The following FYCO1 variants were observed in gnomAD, a reference collection of about 807,000 sequenced individuals.
The protein encoded by FYCO1 is FYVE and coiled-coil domain-containing protein 1.
In FYCO1, 122 loss-of-function variants were observed where a neutral mutation model predicts 165.1. The observed-to-expected ratio is 0.74, with a 90% CI of 0.64 to 0.86. The LOEUF (loss-of-function observed/expected upper bound fraction) is 0.86. Among genes scored for constraint, FYCO1 ranks in the 40% least tolerant of loss-of-function variants. The probability of loss-of-function intolerance (pLI) is 0.00; values close to 1 mark genes in which losing one functional copy is unlikely to be tolerated. For synonymous variants in FYCO1, 648 were observed against 742.5 expected (o/e 0.87, Z 2.07); for missense variants, 1,702 against 1,810.3 (o/e 0.94, Z 1.09).
intron 7 of FYCO1, among the ~76,000 whole-genome samples, 164 bp from the exon 8 acceptor site, chr3:45,968,867 C>T (rs1365222070): frequency 6.6e-6 from 1 of 152,244 alleles, no homozygotes; most frequent in Non-Finnish European, 1.5e-5. Context: ...TTGCTCAAAG[C>T]ATCTGCCACA....
intron 14 of FYCO1, among the ~76,000 whole-genome samples, chr3:45,950,784 A>G (rs1704964191): frequency 6.6e-6 from 1 of 152,214 alleles, no homozygotes; most frequent in Non-Finnish European, 1.5e-5. Context: ...TGTTGGCTCC[A>G]AGAAGGTTTC....
intron 7 of FYCO1, among the ~76,000 whole-genome samples, chr3:45,969,185 T>C (rs1706281338): frequency 6.6e-6 from 1 of 152,266 alleles, no homozygotes; most frequent in Non-Finnish European, 1.5e-5. Context: ...ACAGCTGTGA[T>C]AAATTCACAT....
Position 45,967,088 on chromosome 3 carries a change from G to T in FYCO1, c.2246C>A (p.Ala749Glu). 6.2e-7 allele frequency: 1 copy of T among 1,613,980 alleles called. No homozygotes were observed. Residue 749 changes from alanine (A) to glutamate (E), a missense_variant, in exon 8 of 18, where the codon GCA (alanine) becomes GAA (glutamate). Coordinates refer to ENST00000296137, the MANE Select transcript of FYCO1 (RefSeq NM_024513.4). ...QQTQLIEVLT[A>E]EKGQQGVGPP... is the part of the protein sequence containing the mutation. ...GCCAACTCCCTGTTGGCCTTTCTCTGCTGTGAGGACCTCAATCAGCTGGGT... is the reference window on the plus strand; with the variant it reads ...GCCAACTCCCTGTTGGCCTTTCTCTTCTGTGAGGACCTCAATCAGCTGGGT...
intron 14 of FYCO1, chr3:45,945,007 G>C (rs1361420102): frequency 6.6e-6 from 1 of 152,120 alleles, no homozygotes; most frequent in Non-Finnish European, 1.5e-5. Flanking sequence ...CAATTGTGAC[G>C]TAAGGGCAAG....
intron 5 of FYCO1, 94 bp from the exon 6 acceptor site, chr3:45,973,325 T>C (rs1706550717): frequency 2.4e-6 from 3 of 1,256,832 alleles, no homozygotes; most frequent in Non-Finnish European, 3.5e-6. Flanking sequence ...GAATTCCAAC[T>C]CAGGTTACTA....
At chr3:45,946,797 C>A in intron 14 of FYCO1, 1 of 1,613,654 alleles carries the variant, frequency 6.2e-7, no homozygotes, top group East Asian at 2.2e-5. Context: ...CAAGAGCCTA[C>A]TGGGCATCTA....
chr3:45,966,686 C>G lies in FYCO1; in HGVS notation c.2648G>C (p.Ser883Thr). 1 of 1,613,934 alleles carries G rather than the reference C, an allele frequency of 6.2e-7. No homozygotes were observed. The highest frequency in any genetic ancestry group is 1.1e-5 in the South Asian group (1 of 91,076). ...GTGCTCCAGCTGTGCTTCCTCGGAG[C>G]TGCATTTGGCCTGGGACAGCTCCTC... ...LQEELSQAKC[S>T]SEEAQLEHAE... Residue 883 changes from serine (S) to threonine (T), a missense_variant, in exon 8 of 18, where the codon AGC (serine) becomes ACC (threonine). Ser to Thr is a moderately conservative substitution (Grantham distance 58). Coordinates refer to ENST00000296137, the MANE Select transcript of FYCO1 (RefSeq NM_024513.4).
chr3:45,924,991 G>A (rs533358451), intron 16 of FYCO1, among the ~76,000 whole-genome samples: 3 of 150,818 alleles, frequency 2.0e-5, no homozygotes, highest in South Asian at 2.1e-4. Context: ...GTGCAGTGTC[G>A]TGATCTTGGC....
Position 45,967,280 on chromosome 3 carries a change from C to T in FYCO1, c.2054G>A (p.Arg685Lys). 6.2e-7 allele frequency: 1 copy of T among 1,613,986 alleles called. No homozygotes were observed. Among genetic ancestry groups the T allele is most frequent in the East Asian group, 2.2e-5 (1 of 44,876 alleles). Reference protein sequence around the residue: ...DQMEASLLAVRKAKEAMKAQM... With the variant: ...DQMEASLLAVKKAKEAMKAQM... Reference sequence around the variant, plus strand: ...GGCTTTCATGGCCTCCTTGGCCTTCCTTACAGCCAGCAAGCTCGCCTCCAT... The same window carrying T: ...GGCTTTCATGGCCTCCTTGGCCTTCTTTACAGCCAGCAAGCTCGCCTCCAT... The change falls in exon 8 of 18, where the codon AGG becomes AAG. Residue 685 changes from arginine to lysine, a missense_variant. Transcript: ENST00000296137.
At chr3:45,952,568 G>A (rs1186275808) in intron 14 of FYCO1, among the ~76,000 whole-genome samples, 12 of 152,174 alleles carry the variant, frequency 7.9e-5, no homozygotes, top group African/African-American at 7.2e-5. Flanking sequence ...TCCCAGATCC[G>A]CCTTGGTGGC....
intron 14 of FYCO1, among the ~76,000 whole-genome samples, chr3:45,951,519 C>T (rs964211375): frequency 2.6e-5 from 4 of 152,210 alleles, no homozygotes; most frequent in African/African-American, 9.7e-5. Flanking sequence ...GAGGGAGCCA[C>T]AGCCCAGTGC....
At chr3:45,940,777 C>T (rs909434393) in intron 14 of FYCO1, among the ~76,000 whole-genome samples, 14 of 152,172 alleles carry the variant, frequency 9.2e-5, no homozygotes, top group Middle Eastern at 3.2e-3. Flanking sequence ...CCTACTTCTG[C>T]CCCTCGGCCA....
intron 1 of FYCO1, among the ~76,000 whole-genome samples, chr3:45,995,421 G>A (rs1037716596): frequency 1.4e-4 from 22 of 152,358 alleles, no homozygotes; most frequent in African/African-American, 5.3e-4. Flanking sequence ...CGCATGGTGG[G>A]CTCCTTTCCT....
chr3:45,948,537 A>T (rs1315493980), intron 14 of FYCO1, among the ~76,000 whole-genome samples: 1 of 152,210 alleles, frequency 6.6e-6, no homozygotes, highest in African/African-American at 2.4e-5. Flanking sequence ...CTCCTGTCCA[A>T]AGTGTGGGGC....
intron 14 of FYCO1, among the ~76,000 whole-genome samples, chr3:45,950,211 T>C (rs1704919854): frequency 6.6e-6 from 1 of 152,088 alleles, no homozygotes; most frequent in Non-Finnish European, 1.5e-5. Context: ...GTGTGGGCTC[T>C]GCTTGAGTCC....
At chr3:45,942,048 T>G (rs1286651595) in intron 14 of FYCO1, among the ~76,000 whole-genome samples, 3 of 152,234 alleles carry the variant, frequency 2.0e-5, no homozygotes, top group African/African-American at 4.8e-5. Context: ...TCATGGTTCA[T>G]GCCCATAAGG....
chr3:45,974,100 T>C (rs1706594978), intron 5 of FYCO1, among the ~76,000 whole-genome samples: 1 of 151,788 alleles, frequency 6.6e-6, no homozygotes. Context: ...AAAAGATGCC[T>C]GGGCATAGTG....
Position 45,958,614 on chromosome 3 carries a change from C to T in FYCO1, c.3593G>A (p.Cys1198Tyr), listed in dbSNP as rs1433027946. The T allele has an allele frequency of 6.2e-7, 1 of 1,614,072 alleles. No individual in the cohort carries two copies. The highest frequency in any genetic ancestry group is 1.3e-5 in the African/African-American group (1 of 74,938). Residue 1198 changes from cysteine to tyrosine, a missense_variant, in exon 13 of 18, where the codon TGT (cysteine) becomes TAT (tyrosine). Physicochemically the swap from Cys to Tyr is radical, Grantham distance 194. Coordinates refer to ENST00000296137, the MANE Select transcript of FYCO1 (RefSeq NM_024513.4). ...WMVRRHHCRI[C>Y]GRIFCYYCCN... ...GCAGTAGTAACAGAAGATGCGGCCACATATCCTGGGAACAAAACAAGCCCA... is the reference window on the plus strand; with the variant it reads ...GCAGTAGTAACAGAAGATGCGGCCATATATCCTGGGAACAAAACAAGCCCA...
Position 45,964,933 on chromosome 3 carries a change from G to C in FYCO1, c.3150+100C>G, listed in dbSNP as rs1317443590. 8.5e-6 allele frequency: 8 copies of C among 939,754 alleles called. No individual in the cohort carries two copies. The highest frequency in any genetic ancestry group is 1.4e-5 in the Non-Finnish European group (8 of 585,732). The allele number at this position is 939,754 out of a possible 1,614,324, so 58.2% of individuals were successfully genotyped here. ...CAAAGGTGAACTGAGGACGGCTTCA[G>C]CTTGGGAATCTGGAGGCATGCAGGG... On this transcript the variant is annotated intron_variant, in intron 9 of 17. Transcript: ENST00000296137. The surrounding 1 kb of genome is among the most constrained non-coding windows in gnomAD (Gnocchi z 4.1).
Sources: gnomAD v4.1 joint callset for allele counts (sites outside exome capture counted in the v4.1 genomes callset) on GRCh38, gnomAD v4.1.1 for gene constraint, Gnocchi (gnomAD v3.1) non-coding constraint, MANE v1.5 for transcripts, NCBI Gene and HGNC (gene_info 2026-07-23, HGNC 2026-07-21) for gene names.